VPS13D: variants seen among roughly 807,000 people sequenced by gnomAD.
The protein encoded by VPS13D is intermembrane lipid transfer protein VPS13D.
VPS13D carries 187 observed loss-of-function variants against 461.9 expected under a neutral mutation model. That is an observed-to-expected ratio of 0.40 (90% CI 0.36 to 0.46). VPS13D has a LOEUF of 0.46. Among genes scored for constraint, VPS13D ranks in the 20% least tolerant of loss-of-function variants. The pLI, the probability that VPS13D is intolerant of heterozygous loss-of-function variation, is 0.60. For synonymous variants in VPS13D, 1,951 were observed against 1,986.3 expected (o/e 0.98, Z 0.47); for missense variants, 4,711 against 5,364.9 (o/e 0.88, Z 3.81).
chr1:12,471,368 T>A (rs1452671359), intron 67 of VPS13D, among the ~76,000 whole-genome samples: 1 of 152,228 alleles, frequency 6.6e-6, no homozygotes, highest in Non-Finnish European at 1.5e-5. Context: ...TACGACAAAT[T>A]TATCTTTCAA....
chr1:12,393,645 G>A (rs1275219195), intron 60 of VPS13D, among the ~76,000 whole-genome samples: 1 of 152,192 alleles, frequency 6.6e-6, no homozygotes, highest in Non-Finnish European at 1.5e-5. Context: ...CATCTTTCAA[G>A]TGGCACTAAT....
At chr1:12,421,681 T>C (rs1479943544) in intron 65 of VPS13D, among the ~76,000 whole-genome samples, 1 of 152,244 alleles carries the variant, frequency 6.6e-6, no homozygotes, top group Admixed American at 6.5e-5. Context: ...TTTCTGCCCC[T>C]GTAGAAACTG....
intron 67 of VPS13D, among the ~76,000 whole-genome samples, chr1:12,479,327 C>T (rs1645680675): frequency 6.6e-6 from 1 of 152,240 alleles, no homozygotes. Flanking sequence ...AACTCGGGAC[C>T]TGCCTGTGCT....
intron 18 of VPS13D, among the ~76,000 whole-genome samples, chr1:12,275,380 A>T (rs1191379117): frequency 1.3e-5 from 2 of 152,160 alleles, no homozygotes; most frequent in African/African-American, 2.4e-5. Context: ...GTGCCATTGC[A>T]CTCCAGCCTG....
intron 67 of VPS13D, among the ~76,000 whole-genome samples, chr1:12,475,617 C>T (rs1235813685): frequency 1.3e-5 from 2 of 152,246 alleles, no homozygotes; most frequent in African/African-American, 4.8e-5. Context: ...AAGTGAGTTA[C>T]ATCTCATCCC....
intron 2 of VPS13D, among the ~76,000 whole-genome samples, chr1:12,239,643 C>A (rs771141581): frequency 3.3e-5 from 5 of 152,214 alleles, no homozygotes; most frequent in Non-Finnish European, 7.3e-5. Context: ...CCCAAAACAT[C>A]CATTTCCCCT....
chr1:12,293,819 C>G, intron 24 of VPS13D, 115 bp downstream of exon 24: 1 of 1,085,282 alleles, frequency 9.2e-7, no homozygotes, highest in Non-Finnish European at 1.3e-6. Flanking sequence ...CTAATATGTT[C>G]TCCGTGTAGA....
Position 12,467,916 on chromosome 1 carries a change from G to GAA in VPS13D, c.12662+7531_12662+7532dup, listed in dbSNP as rs199554473. Among the ~76,000 whole-genome samples, 7 of 139,026 alleles carry GAA rather than the reference G, an allele frequency of 5.0e-5. No individual in the cohort carries two copies. The East Asian group carries it at 1.2e-3, about 24-fold the overall frequency. The allele number at this position is 139,026 out of a possible 152,430, so 91.2% of individuals were successfully genotyped here. ...AAACCACACTATCCTGCTTCCAAAAGAAAAAAAAAAAACCTACTGAATTTA... is the reference window on the plus strand; with the variant it reads ...AAACCACACTATCCTGCTTCCAAAAGAAAAAAAAAAAAAACCTACTGAATTTA... On this transcript the variant is annotated intron_variant, in intron 67 of 69. Transcript: ENST00000620676.
intron 21 of VPS13D, among the ~76,000 whole-genome samples, chr1:12,287,520 T>C (rs1270922274): frequency 6.6e-6 from 1 of 152,202 alleles, no homozygotes; most frequent in African/African-American, 2.4e-5. Flanking sequence ...TCTCAGTCTT[T>C]TCCTCACTCC....
At chr1:12,257,706 A>G (rs1470615173) in intron 9 of VPS13D, among the ~76,000 whole-genome samples, 2 of 152,182 alleles carry the variant, frequency 1.3e-5, no homozygotes, top group Non-Finnish European at 2.9e-5. Context: ...CCAATTGAGA[A>G]CTGTGTTATT....
chr1:12,248,452 C>T (rs979648554), intron 5 of VPS13D, among the ~76,000 whole-genome samples: 1 of 152,164 alleles, frequency 6.6e-6, no homozygotes, highest in African/African-American at 2.4e-5. Context: ...AAACAATCCT[C>T]CTGCCTCAGC....
chr1:12,348,348 G>A (rs1251385990), intron 44 of VPS13D, among the ~76,000 whole-genome samples: 1 of 152,202 alleles, frequency 6.6e-6, no homozygotes, highest in African/African-American at 2.4e-5. Flanking sequence ...AATTTTAATT[G>A]TGTTGGATGT....
chr1:12,247,035 T>G (rs1347467853), intron 5 of VPS13D, among the ~76,000 whole-genome samples: 1 of 152,202 alleles, frequency 6.6e-6, no homozygotes. Context: ...TCTGTTTACT[T>G]TTTGAGGAAC....
intron 66 of VPS13D, among the ~76,000 whole-genome samples, chr1:12,459,983 C>G (rs1019176623): frequency 1.4e-5 from 2 of 140,216 alleles, no homozygotes; most frequent in African/African-American, 2.8e-5. Context: ...CTGGAGCACA[C>G]TTTACTTCTG....
At chr1:12,267,959 T>G in intron 15 of VPS13D, 39 bp downstream of exon 15, 3 of 1,542,872 alleles carry the variant, frequency 1.9e-6, no homozygotes, top group Non-Finnish European at 2.6e-6. Flanking sequence ...ATTTTTAAAT[T>G]TTTTAAATTA....
intron 60 of VPS13D, among the ~76,000 whole-genome samples, chr1:12,389,877 G>A (rs987278153): frequency 6.6e-6 from 1 of 152,172 alleles, no homozygotes; most frequent in East Asian, 1.9e-4. Flanking sequence ...CCTAAGAGAT[G>A]CCCTAATGGA....
Position 12,283,725 on chromosome 1 carries a change from C to G in VPS13D, c.5623C>G (p.Leu1875Val). Residue 1875 changes from leucine to valine, a missense_variant, in exon 21 of 70, where the codon CTG (leucine) becomes GTG (valine). Coordinates refer to ENST00000620676, the MANE Select transcript of VPS13D (RefSeq NM_015378.4). ...ACTTCAGGATCCAGTGAACACCAAACTGGATCTCAAGGTATCCTCAGTTCC... is the reference window on the plus strand; with the variant it reads ...ACTTCAGGATCCAGTGAACACCAAAGTGGATCTCAAGGTATCCTCAGTTCC... ...SGLQDPVNTK[L>V]DLKVHSLSLV... 6.2e-7 allele frequency: 1 copy of G among 1,612,212 alleles called. No individual in the cohort carries two copies. Among genetic ancestry groups the G allele is most frequent in the Non-Finnish European group, 8.5e-7 (1 of 1,178,630 alleles).
At chr1:12,349,510 GT>G in intron 46 of VPS13D, 136 bp downstream of exon 46, 1 of 951,350 alleles carries the variant, frequency 1.1e-6, no homozygotes, top group Non-Finnish European at 1.5e-6. Context: ...TATTCCTTGA[GT>G]TTTAGTTAGA....
intron 65 of VPS13D, 57 bp downstream of exon 65, chr1:12,416,884 C>A (rs140259348): frequency 6.7e-7 from 1 of 1,490,204 alleles, no homozygotes; most frequent in African/African-American, 1.4e-5. Context: ...CTCTACAGTA[C>A]TACAATTTCT....
Sources: allele counts gnomAD v4.1 joint callset (sites outside exome capture counted in the v4.1 genomes callset), GRCh38; gene constraint gnomAD v4.1.1; transcripts MANE v1.5; gene names NCBI Gene and HGNC (gene_info 2026-07-23, HGNC 2026-07-21).